Variants in RSL1D1 observed in about 807,000 individuals in gnomAD.
RSL1D1 encodes the protein ribosomal L1 domain-containing protein 1.
RSL1D1 carries 34 observed loss-of-function variants against 44.6 expected under a neutral mutation model. That is an observed-to-expected ratio of 0.76 (90% CI 0.58 to 1.02). RSL1D1 has a LOEUF of 1.02. Ranked by LOEUF, RSL1D1 falls within the 50% of genes least tolerant of loss-of-function variation. RSL1D1 has a pLI of 0.00. For synonymous variants in RSL1D1, 271 were observed against 207.4 expected, an observed-to-expected ratio of 1.31 and a Z score of -2.63; for missense variants, 767 against 568.1, an observed-to-expected ratio of 1.35 and a Z score of -3.56.
chr16:11,846,077 G>A (rs1174742441), intron 5 of RSL1D1, among the ~76,000 whole-genome samples: 1 of 150,722 alleles, frequency 6.6e-6, no homozygotes, highest in African/African-American at 2.4e-5. Flanking sequence ...TTTTAAAAAA[G>A]GATCTGGAGC....
Position 11,837,696 on chromosome 16 carries a change from T to C in RSL1D1, c.*91A>G. 8.4e-7 allele frequency: 1 copy of C among 1,186,964 alleles called. No individual in the cohort carries two copies. The highest frequency in any genetic ancestry group is 1.2e-6 in the Non-Finnish European group (1 of 832,552). The allele number at this position is 1,186,964 out of a possible 1,614,324, so 73.5% of individuals were successfully genotyped here. ...ATCTTTTAAGTCCAGGCCTGACGTT[T>C]AGAGAAGGTTACAAAGGCGGCCAGG... On this transcript the variant is annotated 3_prime_UTR_variant, in exon 9 of 9. Coordinates refer to ENST00000571133, the MANE Select transcript of RSL1D1 (RefSeq NM_015659.3).
At position 11,841,995 on chromosome 16, in the gene RSL1D1, AT is replaced by A; in HGVS notation, c.640del (p.Ile214TyrfsTer35). On this transcript the variant is annotated frameshift_variant, in exon 6 of 9. Coordinates refer to ENST00000571133, the MANE Select transcript of RSL1D1 (RefSeq NM_015659.3). LOFTEE classifies it high-confidence loss of function. Reference protein sequence around the residue: ...NISKSGSCSAIRIGHVGMQIE... With the variant: ...NISKSGSCSAXRIGHVGMQIE... Reference sequence around the variant, plus strand: ...TTGCATTCCAACGTGACCAATACGTATAGCACTGAAATTTAATATAGTATTA... The same window carrying A: ...TTGCATTCCAACGTGACCAATACGTAAGCACTGAAATTTAATATAGTATTA... The A allele has an allele frequency of 6.2e-7, 1 of 1,607,622 alleles. No individual in the cohort carries two copies. Among genetic ancestry groups the A allele is most frequent in the African/African-American group, 1.3e-5 (1 of 74,806 alleles).
rs571449479 is a variant in RSL1D1, at chr16:11,839,140, C to T, written c.1146+555G>A. Among the ~76,000 whole-genome samples the T allele has an allele frequency of 6.7e-5, 10 of 150,254 alleles. No individual in the cohort carries two copies. The East Asian group carries it at 8.0e-4, about 12-fold the overall frequency. ...CAGCACTTTGGGAGGACAAGGCGGG[C>T]GGATCACCTGAGGCCAGGAGTTCAA... On this transcript the variant is annotated intron_variant, in intron 8 of 8. Coordinates refer to ENST00000571133, the MANE Select transcript of RSL1D1 (RefSeq NM_015659.3).
intron 8 of RSL1D1, among the ~76,000 whole-genome samples, 168 bp downstream of exon 8, chr16:11,839,527 A>AAT: frequency 4.5e-5 from 1 of 22,412 alleles, no homozygotes; most frequent in African/African-American, 1.4e-4. Context: ...GATCCCATCT[A>AAT]AAAAAAAAAA....
In RSL1D1 at chr16:11,837,817, G is replaced by A. The variant is rs2053732700; in HGVS notation, c.1443C>T (p.Pro481=). ...RKASHTPKKW[P]KKPKVPQST is the part of the protein sequence containing the mutation. ...TCGACTGGGGTACTTTGGGTTTTTTGGGCCATTTTTTGGGGGTGTGGGAAG... is the reference window on the plus strand; with the variant it reads ...TCGACTGGGGTACTTTGGGTTTTTTAGGCCATTTTTTGGGGGTGTGGGAAG... The change falls in exon 9 of 9, where the codon CCC becomes CCT. Residue 481 remains proline (P), a synonymous_variant. Coordinates refer to ENST00000571133, the MANE Select transcript of RSL1D1 (RefSeq NM_015659.3). 6.2e-7 allele frequency: 1 copy of A among 1,608,964 alleles called. No homozygotes were observed. The highest frequency in any genetic ancestry group is 8.5e-7 in the Non-Finnish European group (1 of 1,178,258).
chr16:11,850,291 AGTTCT>A lies in RSL1D1; in HGVS notation c.228_232del (p.Lys76AsnfsTer10). The A allele has an allele frequency of 6.3e-7, 1 of 1,580,472 alleles. No individual in the cohort carries two copies. The highest frequency in any genetic ancestry group is 1.2e-5 in the South Asian group (1 of 84,542). On this transcript the variant is annotated frameshift_variant, in exon 2 of 9. Coordinates refer to ENST00000571133, the MANE Select transcript of RSL1D1 (RefSeq NM_015659.3). LOFTEE classifies it high-confidence loss of function. ...AATCACAACTTACAATCTGACCCTC[AGTTCT>A]TTACTTGGAATTTTCCATAATACCA...
intron 7 of RSL1D1, 132 bp from the exon 8 acceptor site, chr16:11,840,117 C>A: frequency 7.2e-7 from 1 of 1,389,314 alleles, no homozygotes; most frequent in Non-Finnish European, 9.7e-7. Flanking sequence ...AGAGAACAAA[C>A]TCCCTAACCA....
chr16:11,846,002 G>C (rs1021669913), intron 5 of RSL1D1, among the ~76,000 whole-genome samples: 1 of 151,744 alleles, frequency 6.6e-6, no homozygotes, highest in Non-Finnish European at 1.5e-5. Context: ...CAAAGTGCTG[G>C]GATTACAGGC....
At chr16:11,842,873 A>G (rs569553268) in intron 5 of RSL1D1, among the ~76,000 whole-genome samples, 1 of 150,996 alleles carries the variant, frequency 6.6e-6, no homozygotes, top group South Asian at 2.1e-4. Context: ...CTCCTGCCTC[A>G]GCCTCCCTAG....
intron 2 of RSL1D1, among the ~76,000 whole-genome samples, chr16:11,848,674 C>T (rs1219913947): frequency 6.6e-6 from 1 of 152,054 alleles, no homozygotes; most frequent in Non-Finnish European, 1.5e-5. Flanking sequence ...TTGTATTTTT[C>T]GTAGAGACAG....
intron 8 of RSL1D1, 36 bp from the exon 9 acceptor site, chr16:11,838,149 G>A: frequency 1.3e-6 from 2 of 1,490,006 alleles, no homozygotes; most frequent in Non-Finnish European, 1.8e-6. Context: ...TATAGAAAAA[G>A]CCACAAAACC....
Position 11,850,314 on chromosome 16 carries a change from T to C in RSL1D1, c.210A>G (p.Leu70=). ...ENESLFLMVV[L]WKIPSKELRV... is the part of the protein sequence containing the mutation. ...TCAGTTCTTTACTTGGAATTTTCCATAATACCACCATTAAAAATAAACTTT... is the reference window on the plus strand; with the variant it reads ...TCAGTTCTTTACTTGGAATTTTCCACAATACCACCATTAAAAATAAACTTT... The change falls in exon 2 of 9, where the codon TTA becomes TTG. Residue 70 remains leucine (L), a synonymous_variant. Transcript: ENST00000571133. The C allele has an allele frequency of 6.3e-7, 1 of 1,591,018 alleles. No individual in the cohort carries two copies.
In RSL1D1 at chr16:11,837,047, C is replaced by T. The variant is rs1053113716; in HGVS notation, c.*740G>A. The T allele has an allele frequency of 2.0e-5, 3 of 152,188 alleles. No homozygotes were observed. Among genetic ancestry groups the T allele is most frequent in the Non-Finnish European group, 4.4e-5 (3 of 68,060 alleles). 9.4% of individuals were successfully genotyped at this position (152,188 alleles called of 1,614,324 possible). On this transcript the variant is annotated 3_prime_UTR_variant, in exon 9 of 9. Coordinates refer to ENST00000571133, the MANE Select transcript of RSL1D1 (RefSeq NM_015659.3). The stretch of plus-strand genomic sequence containing the variant: ...ACAGCACAGTGGGGTGATCGTGGCT[C>T]ACTGGAGCCTCAACCTCTTGCGCTC...
At position 11,844,748 on chromosome 16, in the gene RSL1D1, G is replaced by A. The variant is rs200686374; in HGVS notation, c.635+1753C>T. 7.2e-5 allele frequency among the ~76,000 whole-genome samples: 11 copies of A among 152,318 alleles called. No individual in the cohort carries two copies. The East Asian group carries it at 1.9e-3, about 27-fold the overall frequency. On this transcript the variant is annotated intron_variant, in intron 5 of 8. Transcript: ENST00000571133. The stretch of plus-strand genomic sequence containing the variant: ...GGAATCTCTGGGTGGAAGGGCAGTG[G>A]CCTACAGCTCTGCCTTACTGGCAGC...
At chr16:11,838,369 G>A (rs573664512) in intron 8 of RSL1D1, among the ~76,000 whole-genome samples, 39 of 151,838 alleles carry the variant, frequency 2.6e-4, no homozygotes, top group African/African-American at 8.9e-4. Flanking sequence ...CACCATGTTA[G>A]CCAGGCTGGT....
chr16:11,842,121 A>G, intron 5 of RSL1D1, 121 bp from the exon 6 acceptor site: 1 of 743,618 alleles, frequency 1.3e-6, no homozygotes, highest in Non-Finnish European at 2.1e-6. Flanking sequence ...TTAAAAAGGT[A>G]GAAATATTAA....
rs866867269 is a variant in RSL1D1 at position 11,833,955 on chromosome 16, T to C, written c.*3832A>G. The C allele has an allele frequency of 6.6e-6, 1 of 152,184 alleles. No individual in the cohort carries two copies. 9.4% of individuals were successfully genotyped at this position (152,184 alleles called of 1,614,324 possible). A position where few individuals can be genotyped will look rare whatever the true frequency, so the allele number is the denominator to read the frequency against. ...AAACGTTACACTCAAATTTCTCCCA[T>C]CAGATCTCATTTGGTTCATTAAATC... On this transcript the variant is annotated 3_prime_UTR_variant, in exon 9 of 9. Coordinates refer to ENST00000571133, the MANE Select transcript of RSL1D1 (RefSeq NM_015659.3).
intron 2 of RSL1D1, among the ~76,000 whole-genome samples, chr16:11,848,870 TG>T (rs1287970511): frequency 6.6e-6 from 1 of 151,026 alleles, no homozygotes; most frequent in Non-Finnish European, 1.5e-5. Context: ...CTCTGCCTCC[TG>T]GGTTCAAATG....
At chr16:11,845,221 G>A (rs1006758065) in intron 5 of RSL1D1, among the ~76,000 whole-genome samples, 1 of 152,180 alleles carries the variant, frequency 6.6e-6, no homozygotes, top group Non-Finnish European at 1.5e-5. Flanking sequence ...TGGAGGCCAG[G>A]ACAGGAGGAC....
Sources: allele counts gnomAD v4.1 joint callset (sites outside exome capture counted in the v4.1 genomes callset), GRCh38; gene constraint gnomAD v4.1.1; transcripts MANE v1.5; gene names NCBI Gene and HGNC (gene_info 2026-07-23, HGNC 2026-07-21).